Variants in ZNF138 observed in about 807,000 individuals in gnomAD.
ZNF138 encodes the protein zinc finger protein 138, also known as zinc finger protein 138 (clone pHZ-32).
ZNF138 carries 33 observed loss-of-function variants against 33.0 expected under a neutral mutation model. That is an observed-to-expected ratio of 1.00 (90% CI 0.76 to 1.34). The LOEUF is 1.34. ZNF138 is among the 40% of genes most tolerant of loss of function. ZNF138 has a pLI of 0.00. For missense variants in ZNF138, 360 were observed against 370.8 expected (o/e 0.97, Z 0.24); for synonymous variants, 139 against 120.4 (o/e 1.15, Z -1.01).
chr7:64,794,861 C>A (rs1786560813), intron 1 of ZNF138, among the ~76,000 whole-genome samples: 1 of 152,118 alleles, frequency 6.6e-6, no homozygotes, highest in Non-Finnish European at 1.5e-5. Flanking sequence ...ACGGGAGGGT[C>A]GTCAGGGGAG....
intron 3 of ZNF138, among the ~76,000 whole-genome samples, chr7:64,830,072 C>T (rs779482479): frequency 6.6e-6 from 1 of 151,998 alleles, no homozygotes; most frequent in Non-Finnish European, 1.5e-5. Context: ...TTCTTCAGGA[C>T]TTTGATTATG....
chr7:64,795,569 A>G (rs925809155), intron 1 of ZNF138, among the ~76,000 whole-genome samples: 1 of 152,184 alleles, frequency 6.6e-6, no homozygotes, highest in African/African-American at 2.4e-5. Context: ...TCATTTTTTG[A>G]CAAAGCATGG....
chr7:64,854,249 C>CT, the ZNF138 span, among the ~76,000 whole-genome samples: 2 of 151,932 alleles, frequency 1.3e-5, no homozygotes, highest in East Asian at 3.9e-4. Flanking sequence ...ATATGTACTT[C>CT]TTTTTTTTGG....
chr7:64,838,253 G>A (rs775173434), downstream of ZNF138, among the ~76,000 whole-genome samples: 5 of 152,200 alleles, frequency 3.3e-5, no homozygotes, highest in African/African-American at 1.2e-4. Flanking sequence ...CTCCGAGGCC[G>A]GGGCAGTCTG....
At chr7:64,835,287 A>G (rs1790333081), downstream of ZNF138, 1 of 152,178 alleles carries the variant, frequency 6.6e-6, no homozygotes, top group South Asian at 2.1e-4. Context: ...TCATCTGGCT[A>G]CTTCCTGCTG....
intron 1 of ZNF138, among the ~76,000 whole-genome samples, chr7:64,795,331 C>T (rs1399555328): frequency 6.6e-6 from 1 of 152,160 alleles, no homozygotes; most frequent in Non-Finnish European, 1.5e-5. Context: ...TATTTTCACA[C>T]TCCACAGGGG....
intron 3 of ZNF138, among the ~76,000 whole-genome samples, chr7:64,830,478 TTTTTG>T (rs1789996808): frequency 6.6e-6 from 1 of 152,138 alleles, no homozygotes; most frequent in African/African-American, 2.4e-5. Context: ...TGTGCATCTT[TTTTTG>T]TTTTGTTTTG....
intron 3 of ZNF138, among the ~76,000 whole-genome samples, chr7:64,827,581 G>A (rs142070173): frequency 1.8e-4 from 27 of 152,082 alleles, no homozygotes; most frequent in African/African-American, 6.0e-4. Flanking sequence ...CTTTTATCTT[G>A]GAGAGTCTTT....
chr7:64,843,260 A>C, the ZNF138 span, among the ~76,000 whole-genome samples: 1 of 152,216 alleles, frequency 6.6e-6, no homozygotes, highest in Admixed American at 6.5e-5. Context: ...AATTGTGAAG[A>C]GTGTTGTAAA....
intron 3 of ZNF138, among the ~76,000 whole-genome samples, chr7:64,828,225 T>C (rs1313129809): frequency 1.3e-5 from 2 of 152,052 alleles, no homozygotes; most frequent in African/African-American, 4.8e-5. Context: ...CAAAAACACA[T>C]AAAAAATTTA....
the ZNF138 span, among the ~76,000 whole-genome samples, chr7:64,842,113 GA>G: frequency 2.0e-5 from 3 of 152,160 alleles, no homozygotes; most frequent in African/African-American, 7.2e-5. Flanking sequence ...ACCCAGGCTG[GA>G]GTGCAGTGGC....
Position 64,833,477 on chromosome 7 carries a change from TG to T in ZNF138, c.*1277del, listed in dbSNP as rs1790254562. 1 of 159,668 alleles carries T rather than the reference TG, an allele frequency of 6.3e-6. No homozygotes were observed. Among genetic ancestry groups the T allele is most frequent in the Non-Finnish European group, 1.4e-5 (1 of 72,748 alleles). The allele number at this position is 159,668 out of a possible 1,614,324, so 9.9% of individuals were successfully genotyped here. ...TGATTGTAGGTAAGATAATTCATAC[TG>T]GCAGAAACTCCCAGAAGTGTGAAGA... On this transcript the variant is annotated 3_prime_UTR_variant, in exon 4 of 4. Transcript: ENST00000307355.
At chr7:64,847,297 A>T in the ZNF138 span, among the ~76,000 whole-genome samples, 2 of 141,528 alleles carry the variant, frequency 1.4e-5, no homozygotes, top group Non-Finnish European at 1.5e-5. Flanking sequence ...ACATGGTGAA[A>T]CCCCATCTCT....
At chr7:64,817,548 AC>A (rs1402101795) in intron 3 of ZNF138, among the ~76,000 whole-genome samples, 8 of 152,104 alleles carry the variant, frequency 5.3e-5, no homozygotes, top group African/African-American at 1.9e-4. Context: ...TTGCTACATA[AC>A]CCAAGCTGGT....
intron 1 of ZNF138, among the ~76,000 whole-genome samples, chr7:64,797,872 A>G (rs980258973): frequency 1.3e-5 from 2 of 152,298 alleles, no homozygotes; most frequent in African/African-American, 4.8e-5. Context: ...GGAGGAGCAA[A>G]AAAGATTAGA....
intron 3 of ZNF138, among the ~76,000 whole-genome samples, chr7:64,828,477 A>G (rs1789822539): frequency 1.3e-5 from 2 of 152,112 alleles, no homozygotes; most frequent in Admixed American, 1.3e-4. Flanking sequence ...ATGAAGATTT[A>G]TGCTTATAGT....
chr7:64,836,513 T>C (rs946995384), downstream of ZNF138: 1 of 152,178 alleles, frequency 6.6e-6, no homozygotes, highest in African/African-American at 2.4e-5. Context: ...ATAAAAGTTC[T>C]GTGCTCATAT....
chr7:64,831,772 G>A lies in ZNF138; in HGVS notation c.530G>A (p.Cys177Tyr). The A allele has an allele frequency of 6.2e-7, 1 of 1,613,728 alleles. No individual in the cohort carries two copies. The highest frequency in any genetic ancestry group is 1.3e-5 in the African/African-American group (1 of 75,022). The change falls in exon 4 of 4, where the codon TGC becomes TAC. Residue 177 changes from cysteine to tyrosine, a missense_variant. By Grantham distance (194) the Cys-to-Tyr change is radical. Transcript: ENST00000307355. ...TGTAAAGAATGTGACAAATCACTTT[G>A]CATGCTTTCACGCCTAACTCAACAT... ...FRCKECDKSL[C>Y]MLSRLTQHKK...
At chr7:64,808,086 A>C (rs140012418) in intron 1 of ZNF138, among the ~76,000 whole-genome samples, 2 of 152,180 alleles carry the variant, frequency 1.3e-5, no homozygotes, top group African/African-American at 4.8e-5. Flanking sequence ...GCCTAGGGTC[A>C]CTGGGAATCC....
Sources: gnomAD v4.1 joint callset for allele counts (sites outside exome capture counted in the v4.1 genomes callset) on GRCh38, gnomAD v4.1.1 for gene constraint, MANE v1.5 for transcripts, NCBI Gene and HGNC (gene_info 2026-07-23, HGNC 2026-07-21) for gene names.